The following TUSC3 variants were observed in gnomAD, a reference collection of about 807,000 sequenced individuals.
TUSC3 encodes the protein tumor suppressor candidate 3, also known as dolichyl-diphosphooligosaccharide--protein glycosyltransferase subunit TUSC3.
In TUSC3, 45 loss-of-function variants were observed where a neutral mutation model predicts 44.8. That is an observed-to-expected ratio of 1.00 (90% CI 0.79 to 1.29). TUSC3 has a LOEUF of 1.29. Among genes scored for constraint, TUSC3 ranks in the 50% most tolerant of loss-of-function variants. The pLI, the probability that TUSC3 is intolerant of heterozygous loss-of-function variation, is 0.00. For synonymous variants in TUSC3, 212 were observed against 152.9 expected, an observed-to-expected ratio of 1.39 and a Z score of -2.85; for missense variants, 519 against 437.9, an observed-to-expected ratio of 1.19 and a Z score of -1.65.
chr8:15,791,552 G>C, the TUSC3 span, among the ~76,000 whole-genome samples: 1 of 152,100 alleles, frequency 6.6e-6, no homozygotes. Context: ...GAGAGATACT[G>C]CTCCATCATT....
intron 1 of TUSC3, among the ~76,000 whole-genome samples, chr8:15,478,200 A>C (rs531623545): frequency 1.7e-4 from 26 of 152,144 alleles, no homozygotes; most frequent in Non-Finnish European, 3.4e-4. Context: ...TCCGGGCCTC[A>C]AGTCATACAC....
chr8:15,470,224 A>G (rs1034647978), intron 1 of TUSC3, among the ~76,000 whole-genome samples: 2 of 149,498 alleles, frequency 1.3e-5, no homozygotes, highest in Admixed American at 6.8e-5. Context: ...GCACCACTAC[A>G]CTCCAGCCTG....
At position 15,517,786 on chromosome 8, in the gene TUSC3, A is replaced by G. The variant is rs559988047; in HGVS notation, n.189+34303A>G. ...AATTTCTTTACCTAAGAAATTTGCA[A>G]GTTTCTACCAATGTTATCATAAATA... On this transcript the variant is annotated intron_variant and non_coding_transcript_variant, in intron 2 of 5. Coordinates refer to the TUSC3 transcript ENST00000503191. Among the ~76,000 whole-genome samples, 3 of 152,132 alleles carry G rather than the reference A, an allele frequency of 2.0e-5. No individual in the cohort carries two copies. The East Asian group carries it at 5.8e-4, about 29-fold the overall frequency.
intron 1 of TUSC3, among the ~76,000 whole-genome samples, chr8:15,565,003 C>T (rs1802611464): frequency 6.6e-6 from 1 of 152,086 alleles, no homozygotes; most frequent in Non-Finnish European, 1.5e-5. Context: ...CCATTGTATG[C>T]ATTTTGTATT....
At chr8:15,736,785 A>G (rs898000455) in intron 7 of TUSC3, among the ~76,000 whole-genome samples, 1 of 152,170 alleles carries the variant, frequency 6.6e-6, no homozygotes, top group African/African-American at 2.4e-5. Flanking sequence ...AATTTTATTT[A>G]AAATTTCAAC....
intron 5 of TUSC3, among the ~76,000 whole-genome samples, chr8:15,662,761 C>T (rs890431676): frequency 3.3e-5 from 5 of 151,844 alleles, no homozygotes; most frequent in African/African-American, 1.2e-4. Context: ...TGTGGGGATA[C>T]AGAGTAATCA....
chr8:15,556,256 GT>G (rs1802260548), intron 1 of TUSC3, among the ~76,000 whole-genome samples: 1 of 145,270 alleles, frequency 6.9e-6, no homozygotes, highest in Non-Finnish European at 1.5e-5. Flanking sequence ...AATATGCGGT[GT>G]TTGGTTTTTT....
chr8:15,610,303 C>G (rs1804705342), intron 1 of TUSC3, among the ~76,000 whole-genome samples: 1 of 152,020 alleles, frequency 6.6e-6, no homozygotes, highest in Non-Finnish European at 1.5e-5. Flanking sequence ...GATGTTTTCG[C>G]TGATAAAATT....
At chr8:15,693,842 T>G (rs979604169) in intron 6 of TUSC3, among the ~76,000 whole-genome samples, 1 of 152,238 alleles carries the variant, frequency 6.6e-6, no homozygotes, top group African/African-American at 2.4e-5. Context: ...GTTCATTCTT[T>G]ATTGTTTTTT....
chr8:15,458,640 A>T (rs971126291), intron 1 of TUSC3, among the ~76,000 whole-genome samples: 3 of 152,198 alleles, frequency 2.0e-5, no homozygotes, highest in East Asian at 3.9e-4. Flanking sequence ...TGAATCTATA[A>T]TCTGATTCTT....
At chr8:15,583,045 C>A (rs1254089689) in intron 1 of TUSC3, among the ~76,000 whole-genome samples, 1 of 151,992 alleles carries the variant, frequency 6.6e-6, no homozygotes, top group Non-Finnish European at 1.5e-5. Context: ...AGCTAGGTGA[C>A]CATGAAGTTG....
chr8:15,816,908 G>C, the TUSC3 span, among the ~76,000 whole-genome samples: 1 of 152,146 alleles, frequency 6.6e-6, no homozygotes, highest in African/African-American at 2.4e-5. Context: ...TCTCATGAAA[G>C]AGAAAAAGTA....
At chr8:15,458,439 A>G (rs539190068) in intron 1 of TUSC3, among the ~76,000 whole-genome samples, 3 of 152,184 alleles carry the variant, frequency 2.0e-5, no homozygotes, top group East Asian at 1.9e-4. Context: ...AGGTTTCACC[A>G]TGTTGCGCAG....
rs150503836 is a variant in TUSC3, at chr8:15,522,883, A to G, written n.189+39400A>G. Among the ~76,000 whole-genome samples, 457 of 152,280 alleles carry G rather than the reference A, an allele frequency of 3.0e-3. 2 individuals are homozygous for G. Among genetic ancestry groups the G allele is most frequent in the African/African-American group, 0.011 (447 of 41,556 alleles). On this transcript the variant is annotated intron_variant and non_coding_transcript_variant, in intron 2 of 5. Transcript: ENST00000503191. Reference sequence around the variant, plus strand: ...ACACAAATGTGCTATGTCAGTCCTTAAGTGCAGATGGTTTATTTGAGAAGT... The same window carrying G: ...ACACAAATGTGCTATGTCAGTCCTTGAGTGCAGATGGTTTATTTGAGAAGT...
At chr8:15,823,614 A>G in the TUSC3 span, among the ~76,000 whole-genome samples, 1 of 152,202 alleles carries the variant, frequency 6.6e-6, no homozygotes, top group African/African-American at 2.4e-5. Context: ...TTTTAAGAAA[A>G]TATCTAGAGT....
Position 15,743,278 on chromosome 8 carries a change from G to A in TUSC3, c.863-260G>A, listed in dbSNP as rs7826947. On this transcript the variant is annotated intron_variant, in intron 7 of 10. Transcript: ENST00000503731. ...AGAGTCCATATAGTTTATATGTGCT[G>A]TGAAAATCCTGGAATTTAAGAACCT... Among the ~76,000 whole-genome samples the A allele has an allele frequency of 0.2, 30,803 of 152,154 alleles. 3,193 individuals carry two copies. The highest frequency in any genetic ancestry group is 0.25 in the African/African-American group (10,565 of 41,494).
intron 1 of TUSC3, among the ~76,000 whole-genome samples, chr8:15,475,498 C>T (rs1470326200): frequency 6.6e-6 from 1 of 152,060 alleles, no homozygotes; most frequent in African/African-American, 2.4e-5. Flanking sequence ...GCCAAATTTC[C>T]AAAGAGATTT....
At chr8:15,801,160 T>G in the TUSC3 span, among the ~76,000 whole-genome samples, 1 of 152,228 alleles carries the variant, frequency 6.6e-6, no homozygotes, top group East Asian at 1.9e-4. Flanking sequence ...TGCCCATTTT[T>G]AATGGTTATT....
intron 1 of TUSC3, among the ~76,000 whole-genome samples, chr8:15,588,772 G>A (rs181487510): frequency 2.6e-5 from 4 of 152,218 alleles, no homozygotes; most frequent in Admixed American, 2.0e-4. Context: ...GCATATGGAT[G>A]GATAGTCAGT....
Sources: gnomAD v4.1 joint callset for allele counts (sites outside exome capture counted in the v4.1 genomes callset) on GRCh38, gnomAD v4.1.1 for gene constraint, MANE v1.5 for transcripts, NCBI Gene and HGNC (gene_info 2026-07-23, HGNC 2026-07-21) for gene names.